The following PHTF1 variants were observed in gnomAD, a reference collection of about 807,000 sequenced individuals.
PHTF1 encodes putative homeodomain transcription factor 1.
In PHTF1, 88 loss-of-function variants were observed where a neutral mutation model predicts 102.4. The ratio of observed to expected loss-of-function variants is 0.86; its 90% CI spans 0.72 to 1.03. The LOEUF (loss-of-function observed/expected upper bound fraction) is 1.03, where lower values mean the gene tolerates loss of function less well. Ranked by LOEUF, PHTF1 falls within the 50% of genes least tolerant of loss-of-function variation. The pLI, the probability that PHTF1 is intolerant of heterozygous loss-of-function variation, is 0.00. For missense variants in PHTF1, 814 were observed against 909.5 expected (o/e 0.89, Z 1.35); for synonymous variants, 289 against 305.2 (o/e 0.95, Z 0.55).
intron 10 of PHTF1, among the ~76,000 whole-genome samples, chr1:113,710,985 C>G (rs1329119765): frequency 2.6e-5 from 4 of 151,828 alleles, no homozygotes; most frequent in Non-Finnish European, 4.4e-5. Flanking sequence ...ACTCTGATGT[C>G]TCTAGCAAGC....
intron 15 of PHTF1, among the ~76,000 whole-genome samples, chr1:113,702,434 T>C (rs2101088271): frequency 6.6e-6 from 1 of 151,886 alleles, no homozygotes; most frequent in Middle Eastern, 3.4e-3. Context: ...CTCCAAAATC[T>C]AAGACTGTGA....
intron 7 of PHTF1, among the ~76,000 whole-genome samples, chr1:113,719,497 G>A (rs1652583534): frequency 6.6e-6 from 1 of 152,072 alleles, no homozygotes; most frequent in African/African-American, 2.4e-5. Flanking sequence ...CTAAGGGAGG[G>A]GCAAAATGCC....
chr1:113,718,146 C>G (rs779763153), intron 7 of PHTF1, among the ~76,000 whole-genome samples: 2 of 152,102 alleles, frequency 1.3e-5, no homozygotes, highest in African/African-American at 4.8e-5. Flanking sequence ...TAAATACACA[C>G]GTTCAAAATG....
At chr1:113,756,456 C>T (rs1216346038) in intron 3 of PHTF1, among the ~76,000 whole-genome samples, 1 of 152,162 alleles carries the variant, frequency 6.6e-6, no homozygotes, top group Non-Finnish European at 1.5e-5. Context: ...TGCTGCAATA[C>T]TTTTTGAAAG....
chr1:113,720,018 G>A (rs565091580), intron 7 of PHTF1, among the ~76,000 whole-genome samples: 4 of 152,186 alleles, frequency 2.6e-5, no homozygotes, highest in South Asian at 4.2e-4. Context: ...TCACTATCAC[G>A]AGACTAGCAC....
At chr1:113,754,343 T>A (rs987757050) in intron 3 of PHTF1, among the ~76,000 whole-genome samples, 3 of 151,708 alleles carry the variant, frequency 2.0e-5, no homozygotes, top group African/African-American at 7.3e-5. Flanking sequence ...CCCAGGAGAT[T>A]GAGGCTGCAG....
chr1:113,708,038 G>C (rs915415574), intron 11 of PHTF1, among the ~76,000 whole-genome samples: 1 of 152,156 alleles, frequency 6.6e-6, no homozygotes, highest in African/African-American at 2.4e-5. Context: ...TGAGGAGGAG[G>C]GAGGGAATGG....
intron 7 of PHTF1, among the ~76,000 whole-genome samples, chr1:113,724,457 C>G (rs534641959): frequency 4.5e-4 from 67 of 149,858 alleles, no homozygotes; most frequent in African/African-American, 1.6e-3. Context: ...AGGAGAATCG[C>G]TTGAACTCAA....
intron 11 of PHTF1, 44 bp from the exon 12 acceptor site, chr1:113,706,766 C>T (rs1303911851): frequency 2.1e-6 from 3 of 1,450,396 alleles, no homozygotes; most frequent in Admixed American, 2.0e-5. Flanking sequence ...TGCCCTCTTG[C>T]CTCCATTAGT....
intron 6 of PHTF1, among the ~76,000 whole-genome samples, chr1:113,725,181 G>C (rs1410645211): frequency 6.6e-6 from 1 of 152,052 alleles, no homozygotes; most frequent in Non-Finnish European, 1.5e-5. Context: ...AGTCTGTTCA[G>C]GCACATTCAA....
intron 16 of PHTF1, 38 bp from the exon 17 acceptor site, chr1:113,699,837 A>G (rs1316482343): frequency 3.7e-6 from 3 of 808,582 alleles, no homozygotes; most frequent in Non-Finnish European, 6.0e-6. Context: ...AATTTCTTGG[A>G]AAAAAATATA....
chr1:113,726,475 T>G lies in PHTF1; in HGVS notation c.431A>C (p.Gln144Pro), dbSNP rs933697648. ...TCTTGTTATCTGAGTAGACACAATT[T>G]GACAGTGGACAGTTCCCATGAGTAG... ...LMLLMGTVHC[Q>P]IVSTQITRPS... The change falls in exon 6 of 19, where the codon CAA becomes CCA. Residue 144 changes from glutamine (Q) to proline (P), a missense_variant. Coordinates refer to ENST00000369604, the MANE Select transcript of PHTF1 (RefSeq NM_001323043.2). 3.7e-6 allele frequency: 6 copies of G among 1,611,848 alleles called. No individual in the cohort carries two copies. The African/African-American group carries it at 8.0e-5, about 22-fold the overall frequency.
intron 3 of PHTF1, among the ~76,000 whole-genome samples, chr1:113,741,443 T>TA (rs1313542796): frequency 6.6e-6 from 1 of 152,212 alleles, no homozygotes; most frequent in East Asian, 1.9e-4. Context: ...AATCAGAAAT[T>TA]AAAAATTTAA....
At chr1:113,732,556 T>C (rs1388288606) in intron 5 of PHTF1, among the ~76,000 whole-genome samples, 1 of 152,164 alleles carries the variant, frequency 6.6e-6, no homozygotes, top group East Asian at 1.9e-4. Context: ...TGTGTAGTAA[T>C]GAAAGCAGTG....
At chr1:113,724,411 C>T (rs1653494638) in intron 7 of PHTF1, among the ~76,000 whole-genome samples, 1 of 151,908 alleles carries the variant, frequency 6.6e-6, no homozygotes, top group Non-Finnish European at 1.5e-5. Context: ...TGGCGGCGGG[C>T]ACCTGTCATC....
At chr1:113,717,817 C>A (rs1484302436) in intron 7 of PHTF1, among the ~76,000 whole-genome samples, 1 of 152,084 alleles carries the variant, frequency 6.6e-6, no homozygotes, top group Non-Finnish European at 1.5e-5. Context: ...AAGACCAGCC[C>A]CCATGATTCA....
intron 10 of PHTF1, among the ~76,000 whole-genome samples, chr1:113,711,321 C>T (rs1371750003): frequency 6.6e-6 from 1 of 152,158 alleles, no homozygotes; most frequent in East Asian, 1.9e-4. Context: ...CTCTGCTCAC[C>T]TCTGAGTTAC....
intron 7 of PHTF1, among the ~76,000 whole-genome samples, chr1:113,722,405 C>T (rs1653102163): frequency 6.6e-6 from 1 of 151,902 alleles, no homozygotes; most frequent in Non-Finnish European, 1.5e-5. Flanking sequence ...TGCCACTGCA[C>T]TCTAGCTTTG....
At chr1:113,755,268 A>T (rs925944137) in intron 3 of PHTF1, among the ~76,000 whole-genome samples, 1 of 151,576 alleles carries the variant, frequency 6.6e-6, no homozygotes, top group Non-Finnish European at 1.5e-5. Context: ...TGTATGCTAT[A>T]CTTTGGTCAT....
Sources: allele counts gnomAD v4.1 joint callset (sites outside exome capture counted in the v4.1 genomes callset), GRCh38; gene constraint gnomAD v4.1.1; transcripts MANE v1.5; gene names NCBI Gene and HGNC (gene_info 2026-07-23, HGNC 2026-07-21).